Variants in C1orf87 observed in about 807,000 individuals in gnomAD.
The protein encoded by C1orf87 is chromosome 1 open reading frame 87, also known as uncharacterized protein C1orf87.
In C1orf87, 58 loss-of-function variants were observed where a neutral mutation model predicts 60.5. The ratio of observed to expected loss-of-function variants is 0.96; its 90% CI spans 0.78 to 1.19. C1orf87 has a LOEUF of 1.19. Among genes scored for constraint, C1orf87 ranks in the 50% most tolerant of loss-of-function variants. The probability of loss-of-function intolerance (pLI) is 0.00; values close to 1 mark genes in which losing one functional copy is unlikely to be tolerated. For missense variants in C1orf87, 673 were observed against 638.6 expected, an observed-to-expected ratio of 1.05 and a Z score of -0.58; for synonymous variants, 236 against 227.4, an observed-to-expected ratio of 1.04 and a Z score of -0.34.
rs371499944 is a variant in C1orf87 at position 60,033,472 on chromosome 1, T to C, written c.1029+4A>G. The C allele has an allele frequency of 3.0e-5, 48 of 1,611,704 alleles. No individual in the cohort carries two copies. Among genetic ancestry groups the C allele is most frequent in the Non-Finnish European group, 3.9e-5 (46 of 1,178,868 alleles). On this transcript the variant is annotated splice_donor_region_variant and intron_variant, in intron 7 of 11. Coordinates refer to ENST00000371201, the MANE Select transcript of C1orf87 (RefSeq NM_152377.3). ...GAACAAATCTGAAATTGAATTTTGG[T>C]TACCTTAGGTAGAGGGAGGCAGCCA...
At chr1:60,061,767 C>G (rs1261054342) in intron 2 of C1orf87, among the ~76,000 whole-genome samples, 1 of 122,628 alleles carries the variant, frequency 8.2e-6, no homozygotes, top group African/African-American at 3.2e-5. Context: ...GGCCAAACCC[C>G]ATCTCTACCA....
Position 60,025,490 on chromosome 1 carries a change from A to G in C1orf87, c.1038T>C (p.Ala346=). The part of the protein sequence containing the change: ...SGCLPLPKVR[A]ICGKHGLYLT... ...GATATAATCCATGCTTCCCACATATAGCCCTGACCTACAAGTTAAAAAAAA... is the reference window on the plus strand; with the variant it reads ...GATATAATCCATGCTTCCCACATATGGCCCTGACCTACAAGTTAAAAAAAA... Residue 346 remains alanine (A), a synonymous_variant, in exon 8 of 12, where the codon GCT becomes GCC. Transcript: ENST00000371201. The G allele has an allele frequency of 6.3e-7, 1 of 1,599,260 alleles. No homozygotes were observed.
At chr1:60,067,687 A>C (rs1645557532) in intron 2 of C1orf87, among the ~76,000 whole-genome samples, 1 of 148,808 alleles carries the variant, frequency 6.7e-6, no homozygotes, top group Admixed American at 6.9e-5. Context: ...GTTCACTCTG[A>C]TGATAGTTTC....
chr1:60,058,437 T>C (rs1236616493), intron 2 of C1orf87, among the ~76,000 whole-genome samples: 1 of 152,230 alleles, frequency 6.6e-6, no homozygotes, highest in African/African-American at 2.4e-5. Flanking sequence ...CCAGTTAGCA[T>C]ATAAATAAAT....
In C1orf87 at chr1:60,047,102, C is replaced by T. The variant is rs202014089; in HGVS notation, c.343-5971G>A. ...CTTTGCAAAATGGTGAAATTCTTAT[C>T]CCACCATTCTTCATTTATTAACAGA... On this transcript the variant is annotated intron_variant, in intron 3 of 11. Coordinates refer to ENST00000371201, the MANE Select transcript of C1orf87 (RefSeq NM_152377.3). Among the ~76,000 whole-genome samples the T allele has an allele frequency of 5.3e-5, 8 of 152,226 alleles. No homozygotes were observed. In the East Asian group the frequency reaches 9.6e-4, roughly 18 times the overall value.
At chr1:60,002,816 A>C (rs1645016835) in intron 9 of C1orf87, among the ~76,000 whole-genome samples, 1 of 150,958 alleles carries the variant, frequency 6.6e-6, no homozygotes, top group Non-Finnish European at 1.5e-5. Context: ...AAAAGTCAGG[A>C]AACAACAGGT....
intron 10 of C1orf87, among the ~76,000 whole-genome samples, chr1:59,999,803 T>C (rs1198925529): frequency 1.3e-5 from 2 of 152,294 alleles, no homozygotes; most frequent in African/African-American, 2.4e-5. Flanking sequence ...AAATGGAAGC[T>C]GTTTTATACC....
At chr1:60,013,264 A>T (rs1190134848) in intron 8 of C1orf87, among the ~76,000 whole-genome samples, 1 of 151,968 alleles carries the variant, frequency 6.6e-6, no homozygotes, top group Non-Finnish European at 1.5e-5. Context: ...AAGGCCTCTT[A>T]GGTTGAATCT....
intron 3 of C1orf87, among the ~76,000 whole-genome samples, chr1:60,053,466 C>T (rs1645428907): frequency 6.6e-6 from 1 of 152,188 alleles, no homozygotes; most frequent in Non-Finnish European, 1.5e-5. Context: ...GCTCAGAATA[C>T]TGCCTGGCAC....
At chr1:60,054,789 A>ACT (rs989397654) in intron 3 of C1orf87, among the ~76,000 whole-genome samples, 4 of 151,584 alleles carry the variant, frequency 2.6e-5, no homozygotes, top group Non-Finnish European at 5.9e-5. Context: ...GGGGCCTATA[A>ACT]TTTTTTTTTG....
intron 11 of C1orf87, among the ~76,000 whole-genome samples, chr1:59,993,919 C>T (rs968136276): frequency 8.6e-5 from 13 of 152,006 alleles, no homozygotes; most frequent in South Asian, 4.2e-4. Flanking sequence ...CCACCACAGC[C>T]GGCTCATTTT....
intron 6 of C1orf87, among the ~76,000 whole-genome samples, chr1:60,036,978 T>C (rs946731448): frequency 2.6e-5 from 4 of 152,210 alleles, no homozygotes; most frequent in Non-Finnish European, 5.9e-5. Flanking sequence ...TATTTCATAA[T>C]GAGGTTTTTC....
chr1:60,050,980 G>C (rs928366568), intron 3 of C1orf87, among the ~76,000 whole-genome samples: 6 of 152,282 alleles, frequency 3.9e-5, no homozygotes, highest in African/African-American at 1.4e-4. Context: ...AGACGATAAT[G>C]CTTCTTGATA....
intron 3 of C1orf87, among the ~76,000 whole-genome samples, chr1:60,048,028 T>G (rs1409416731): frequency 2.0e-5 from 3 of 152,160 alleles, no homozygotes; most frequent in Non-Finnish European, 4.4e-5. Context: ...CTTCCTGGTT[T>G]CATGGCCTTA....
At chr1:60,039,860 G>A (rs950071403) in intron 5 of C1orf87, 57 bp downstream of exon 5, 1 of 1,538,130 alleles carries the variant, frequency 6.5e-7, no homozygotes, top group Admixed American at 2.0e-5. Context: ...TTACCCTTGT[G>A]GGTACAAGTT....
chr1:59,993,314 A>T (rs72912530), intron 11 of C1orf87, among the ~76,000 whole-genome samples: 7,532 of 152,218 alleles, frequency 0.049, 581 homozygotes, highest in African/African-American at 0.17. Flanking sequence ...AACAGAGGTA[A>T]TTAAATTGTG....
At chr1:60,065,534 A>G (rs904531493) in intron 2 of C1orf87, among the ~76,000 whole-genome samples, 3 of 152,080 alleles carry the variant, frequency 2.0e-5, no homozygotes, top group Admixed American at 1.3e-4. Context: ...CTATCCCTGC[A>G]TGAACAATCA....
chr1:60,033,737 A>T, intron 6 of C1orf87, 96 bp from the exon 7 acceptor site: 3 of 1,391,740 alleles, frequency 2.2e-6, no homozygotes, highest in African/African-American at 1.4e-5. Flanking sequence ...GCTACACACT[A>T]TGGAACCAGA....
At chr1:60,017,479 T>C (rs756331744) in intron 8 of C1orf87, among the ~76,000 whole-genome samples, 22 of 152,184 alleles carry the variant, frequency 1.4e-4, no homozygotes, top group Non-Finnish European at 3.1e-4. Flanking sequence ...TCATGAAGCT[T>C]CCATAGCAGC....
Sources: allele counts gnomAD v4.1 joint callset (sites outside exome capture counted in the v4.1 genomes callset), GRCh38; gene constraint gnomAD v4.1.1; transcripts MANE v1.5; gene names NCBI Gene and HGNC (gene_info 2026-07-23, HGNC 2026-07-21).